GLIS3: variants seen among roughly 807,000 people sequenced by gnomAD.
The protein encoded by GLIS3 is zinc finger protein GLIS3.
A neutral mutation model predicts 78.6 loss-of-function variants in GLIS3; 53 were observed. The ratio of observed to expected loss-of-function variants is 0.67; its 90% CI spans 0.54 to 0.85. The LOEUF is 0.85. Ranked by LOEUF, GLIS3 falls within the 40% of genes least tolerant of loss-of-function variation. The probability of loss-of-function intolerance (pLI) is 0.00; values close to 1 mark genes in which losing one functional copy is unlikely to be tolerated. For synonymous variants in GLIS3, 684 were observed against 509.9 expected, an observed-to-expected ratio of 1.34 and a Z score of -4.60; for missense variants, 1,703 against 1,231.1, an observed-to-expected ratio of 1.38 and a Z score of -5.74.
intron 4 of GLIS3, among the ~76,000 whole-genome samples, chr9:3,982,205 A>C: frequency 6.7e-6 from 1 of 148,836 alleles, no homozygotes. Context: ...AGGTACCTTT[A>C]CCTCTCTGTT....
chr9:4,280,835 A>G (rs1389445175), intron 2 of GLIS3, among the ~76,000 whole-genome samples: 3 of 152,048 alleles, frequency 2.0e-5, no homozygotes, highest in Non-Finnish European at 4.4e-5. Flanking sequence ...AGAAAGCTCC[A>G]CGATCTTGGA....
At chr9:4,440,648 G>A in the GLIS3 span, among the ~76,000 whole-genome samples, 2 of 152,056 alleles carry the variant, frequency 1.3e-5, no homozygotes, top group African/African-American at 4.8e-5. Flanking sequence ...ACTATTCAAG[G>A]TTTCTGTGGT....
At chr9:4,194,862 C>G (rs10814875) in intron 2 of GLIS3, among the ~76,000 whole-genome samples, 65,836 of 152,008 alleles carry the variant, frequency 0.43, 14,447 homozygotes, top group South Asian at 0.5. Flanking sequence ...AAAAACACTG[C>G]GAAAAGCTGC....
intron 6 of GLIS3, among the ~76,000 whole-genome samples, chr9:3,909,977 A>G (rs1478391464): frequency 6.6e-6 from 1 of 152,222 alleles, no homozygotes; most frequent in Non-Finnish European, 1.5e-5. Flanking sequence ...AGTGCACAGC[A>G]CTACTGCATA....
At chr9:3,905,180 T>C (rs373883784) in intron 6 of GLIS3, among the ~76,000 whole-genome samples, 78 of 123,608 alleles carry the variant, frequency 6.3e-4, no homozygotes, top group Admixed American at 3.9e-3. Context: ...TTAGTAGAGA[T>C]GGGGTTTCAC....
At chr9:4,466,941 C>T in the GLIS3 span, among the ~76,000 whole-genome samples, 9 of 152,236 alleles carry the variant, frequency 5.9e-5, no homozygotes, top group South Asian at 2.1e-4. Context: ...CCTAATACTG[C>T]GTTTTTCCAA....
chr9:4,364,755 G>GTTTTTT, the GLIS3 span, among the ~76,000 whole-genome samples: 7 of 15,472 alleles, frequency 4.5e-4, no homozygotes, highest in Non-Finnish European at 8.7e-4. Context: ...ATCATGTATT[G>GTTTTTT]CTTTTTTTTT....
At chr9:4,124,790 C>A (rs1038693007) in intron 3 of GLIS3, among the ~76,000 whole-genome samples, 15 of 152,168 alleles carry the variant, frequency 9.9e-5, no homozygotes, top group African/African-American at 3.6e-4. Flanking sequence ...TAGCAGGTTA[C>A]AGATCCTAAA....
chr9:4,396,349 C>G, the GLIS3 span, among the ~76,000 whole-genome samples: 234 of 151,968 alleles, frequency 1.5e-3, 3 homozygotes, highest in African/African-American at 5.3e-3. Context: ...AGGCTGATCT[C>G]GAACTCCTGA....
At chr9:3,963,900 T>G (rs930911431) in intron 4 of GLIS3, among the ~76,000 whole-genome samples, 6 of 152,070 alleles carry the variant, frequency 3.9e-5, no homozygotes, top group African/African-American at 1.4e-4. Context: ...CTGAATCTGA[T>G]TGCCATGAAA....
At chr9:3,912,100 C>G (rs1824193914) in intron 6 of GLIS3, among the ~76,000 whole-genome samples, 1 of 152,158 alleles carries the variant, frequency 6.6e-6, no homozygotes, top group Non-Finnish European at 1.5e-5. Flanking sequence ...GAACCTTCCT[C>G]TGTAAAATGG....
At chr9:4,213,463 G>T (rs1454768549) in intron 2 of GLIS3, among the ~76,000 whole-genome samples, 1 of 152,216 alleles carries the variant, frequency 6.6e-6, no homozygotes, top group Non-Finnish European at 1.5e-5. Flanking sequence ...AACTTCTGAT[G>T]ATGATGGAAA....
At chr9:4,087,694 T>C (rs1448782038) in intron 4 of GLIS3, among the ~76,000 whole-genome samples, 1 of 152,210 alleles carries the variant, frequency 6.6e-6, no homozygotes, top group Non-Finnish European at 1.5e-5. Context: ...ATAAAATTCA[T>C]ATCGGTGAAA....
chr9:4,370,252 G>A, the GLIS3 span, among the ~76,000 whole-genome samples: 1 of 151,654 alleles, frequency 6.6e-6, no homozygotes, highest in Non-Finnish European at 1.5e-5. Context: ...ATTGTCCTGG[G>A]TTTCTGGATC....
the GLIS3 span, among the ~76,000 whole-genome samples, chr9:4,383,401 TTG>T: frequency 1.3e-5 from 2 of 152,242 alleles, no homozygotes; most frequent in African/African-American, 4.8e-5. Context: ...TAAATTATTC[TTG>T]ATTCATGGAT....
chr9:3,836,500 C>T (rs1331331670), intron 9 of GLIS3, among the ~76,000 whole-genome samples: 1 of 152,208 alleles, frequency 6.6e-6, no homozygotes, highest in Admixed American at 6.5e-5. Flanking sequence ...AGATGCATGA[C>T]CCCACTCTCC....
chr9:3,959,222 G>A (rs1817372382), intron 4 of GLIS3, among the ~76,000 whole-genome samples: 1 of 152,294 alleles, frequency 6.6e-6, no homozygotes, highest in African/African-American at 2.4e-5. Flanking sequence ...AGAGACTCCA[G>A]AAAGCTAGCT....
At chr9:4,226,798 G>C (rs1223540901) in intron 2 of GLIS3, among the ~76,000 whole-genome samples, 3 of 152,164 alleles carry the variant, frequency 2.0e-5, no homozygotes, top group African/African-American at 4.8e-5. Flanking sequence ...CTGTTGGTGA[G>C]GACGAAAAAG....
chr9:3,854,920 A>G (rs972416078), intron 9 of GLIS3, among the ~76,000 whole-genome samples: 1 of 152,112 alleles, frequency 6.6e-6, no homozygotes, highest in Non-Finnish European at 1.5e-5. Context: ...TTCACACTCA[A>G]TTTGCATATT....
Sources: gnomAD v4.1 joint callset for allele counts (sites outside exome capture counted in the v4.1 genomes callset) on GRCh38, gnomAD v4.1.1 for gene constraint, MANE v1.5 for transcripts, NCBI Gene and HGNC (gene_info 2026-07-23, HGNC 2026-07-21) for gene names.